The following SGCG variants were observed in gnomAD, a reference collection of about 807,000 sequenced individuals.
SGCG encodes gamma-sarcoglycan.
Under a neutral mutation model 29.3 loss-of-function variants are expected in SGCG, and 26 were observed. The ratio of observed to expected loss-of-function variants is 0.89; its 90% CI spans 0.65 to 1.23. The LOEUF (loss-of-function observed/expected upper bound fraction) is 1.23. Among genes scored for constraint, SGCG ranks in the 50% most tolerant of loss-of-function variants. The pLI is 0.00. For synonymous variants in SGCG, 145 were observed against 129.7 expected (o/e 1.12, Z -0.80); for missense variants, 353 against 356.0 (o/e 0.99, Z 0.07).
At chr13:23,176,571 T>C (rs560496914), upstream of SGCG, among the ~76,000 whole-genome samples, 2 of 152,220 alleles carry the variant, frequency 1.3e-5, no homozygotes, top group South Asian at 4.2e-4. Context: ...ACTTATGGTT[T>C]CCATTTGCAG....
chr13:23,171,411 T>G, the SGCG span, among the ~76,000 whole-genome samples: 1 of 152,184 alleles, frequency 6.6e-6, no homozygotes, highest in South Asian at 2.1e-4. Flanking sequence ...TCAGCTGACT[T>G]CAAAGCCTGA....
At chr13:23,205,111 T>C (rs895623206) in intron 2 of SGCG, among the ~76,000 whole-genome samples, 1 of 152,042 alleles carries the variant, frequency 6.6e-6, no homozygotes, top group African/African-American at 2.4e-5. Flanking sequence ...AACAATTATA[T>C]AAATATATTC....
At chr13:23,173,928 G>A in the SGCG span, among the ~76,000 whole-genome samples, 4 of 152,114 alleles carry the variant, frequency 2.6e-5, no homozygotes, top group Non-Finnish European at 5.9e-5. Context: ...ACAGAATTAC[G>A]TCTCTGCAGG....
rs200707498 is a variant in SGCG at position 23,247,954 on chromosome 13, T to TAA, written c.298-2657_298-2656dup. Among the ~76,000 whole-genome samples, 169 of 110,702 alleles carry TAA rather than the reference T, an allele frequency of 1.5e-3. 1 individual carries two copies. The highest frequency in any genetic ancestry group is 4.8e-3 in the Middle Eastern group (1 of 208). 72.6% of individuals were successfully genotyped at this position (110,702 alleles called of 152,430 possible). A position where few individuals can be genotyped will look rare whatever the true frequency, so the allele number is the denominator to read the frequency against. ...GCAACAGAGTGAAACTCCCATCTCT[T>TAA]AAAAAAAAAAAAAAAAAAAAGTTTT... On this transcript the variant is annotated intron_variant, in intron 3 of 7. Coordinates refer to ENST00000218867, the MANE Select transcript of SGCG (RefSeq NM_000231.3).
the SGCG span, among the ~76,000 whole-genome samples, chr13:23,162,229 C>T: frequency 2.0e-5 from 3 of 152,238 alleles, no homozygotes; most frequent in South Asian, 6.2e-4. Context: ...CACATATATA[C>T]ACACACTATT....
chr13:23,203,792 A>C lies in SGCG; in HGVS notation c.98A>C (p.Lys33Thr), dbSNP rs753775490. 1.2e-6 allele frequency: 2 copies of C among 1,613,984 alleles called. No individual in the cohort carries two copies. Among genetic ancestry groups the C allele is most frequent in the South Asian group, 2.2e-5 (2 of 91,080 alleles). ...AAAATTGGCATTTATGGCTGGAGAA[A>C]GCGCTGTCTCTACTTGTTTGTTCTT... is the stretch of plus-strand genomic sequence containing the variant. The part of the protein sequence containing the change: ...VYKIGIYGWR[K>T]RCLYLFVLLL... Residue 33 changes from lysine to threonine, a missense_variant, in exon 2 of 8, where the codon AAG becomes ACG. Transcript: ENST00000218867.
rs9317612 is a variant in SGCG at position 23,279,813 on chromosome 13, T to C, written c.505+335T>C. ...CACAATCTCGGCTCACTGCAACCTT[T>C]GCCTCCTGGGTTCAAGCAATTCTCC... On this transcript the variant is annotated intron_variant, in intron 5 of 7. Transcript: ENST00000218867. 0.64 allele frequency among the ~76,000 whole-genome samples: 96,348 copies of C among 151,184 alleles called. 32,384 individuals carry two copies. The highest frequency in any genetic ancestry group is 0.84 in the Middle Eastern group (245 of 292).
chr13:23,319,655 G>GC (rs541097124), intron 6 of SGCG, among the ~76,000 whole-genome samples: 413 of 152,254 alleles, frequency 2.7e-3, no homozygotes, highest in African/African-American at 9.7e-3. Flanking sequence ...TCTGCTCCCT[G>GC]CCCCTCTCCT....
upstream of SGCG, among the ~76,000 whole-genome samples, chr13:23,176,894 C>A (rs1876574009): frequency 6.6e-6 from 1 of 152,104 alleles, no homozygotes; most frequent in Non-Finnish European, 1.5e-5. Flanking sequence ...GAAATGAAAT[C>A]TGTATGTCAA....
At chr13:23,232,077 C>T (rs1325446440) in intron 2 of SGCG, among the ~76,000 whole-genome samples, 1 of 151,352 alleles carries the variant, frequency 6.6e-6, no homozygotes, top group Non-Finnish European at 1.5e-5. Context: ...CAAGATTTCA[C>T]TACTGCACTC....
intron 1 of SGCG, among the ~76,000 whole-genome samples, chr13:23,202,713 A>G (rs1877813668): frequency 6.6e-6 from 1 of 152,170 alleles, no homozygotes; most frequent in Non-Finnish European, 1.5e-5. Flanking sequence ...GTTAAATTGG[A>G]AGGAGATTTA....
intron 4 of SGCG, among the ~76,000 whole-genome samples, chr13:23,271,885 T>C (rs1487117020): frequency 6.6e-6 from 1 of 152,234 alleles, no homozygotes; most frequent in African/African-American, 2.4e-5. Context: ...ACACATCTTA[T>C]TAAATGAATT....
chr13:23,289,874 T>G (rs775509014), intron 5 of SGCG, among the ~76,000 whole-genome samples: 1 of 152,164 alleles, frequency 6.6e-6, no homozygotes, highest in Non-Finnish European at 1.5e-5. Flanking sequence ...TTATACATCT[T>G]AAGATCAATC....
intron 6 of SGCG, among the ~76,000 whole-genome samples, chr13:23,317,917 T>C (rs1882883164): frequency 6.6e-6 from 1 of 152,108 alleles, no homozygotes; most frequent in South Asian, 2.1e-4. Context: ...TCATTGGAGT[T>C]AGTGGGCTGG....
chr13:23,305,993 T>G (rs902790939), intron 6 of SGCG, among the ~76,000 whole-genome samples: 3 of 152,142 alleles, frequency 2.0e-5, no homozygotes, highest in Admixed American at 2.0e-4. Flanking sequence ...CACCTCAGCC[T>G]CCAAGTAGCT....
At chr13:23,282,700 T>G (rs1273383684) in intron 5 of SGCG, among the ~76,000 whole-genome samples, 2 of 124,834 alleles carry the variant, frequency 1.6e-5, no homozygotes, top group African/African-American at 5.2e-5. Context: ...ATTCCACATT[T>G]TCTTTATCCA....
chr13:23,219,339 G>A (rs753709526), intron 2 of SGCG, among the ~76,000 whole-genome samples: 4 of 152,098 alleles, frequency 2.6e-5, no homozygotes, highest in Non-Finnish European at 4.4e-5. Context: ...GAGCCACCAC[G>A]CCCGGCCATA....
intron 3 of SGCG, among the ~76,000 whole-genome samples, chr13:23,236,262 T>C (rs920108480): frequency 8.5e-5 from 13 of 152,148 alleles, no homozygotes; most frequent in African/African-American, 3.1e-4. Context: ...TCTTCTTTTT[T>C]CCCCAGAGTT....
chr13:23,244,799 C>T (rs1347510324), intron 3 of SGCG: 1 of 152,176 alleles, frequency 6.6e-6, no homozygotes, highest in Non-Finnish European at 1.5e-5. Flanking sequence ...TTTGGCATCT[C>T]TAGAACACCA....
Sources: allele counts gnomAD v4.1 joint callset (sites outside exome capture counted in the v4.1 genomes callset), GRCh38; gene constraint gnomAD v4.1.1; transcripts MANE v1.5; gene names NCBI Gene and HGNC (gene_info 2026-07-23, HGNC 2026-07-21).